The following TRPM3 variants were observed in gnomAD, a reference collection of about 807,000 sequenced individuals.
TRPM3 encodes the protein long transient receptor potential channel 3.
In TRPM3, 77 loss-of-function variants were observed where a neutral mutation model predicts 181.2. That is an observed-to-expected ratio of 0.42 (90% CI 0.35 to 0.51). The LOEUF (loss-of-function observed/expected upper bound fraction) is 0.51. Ranked by LOEUF, TRPM3 falls within the 20% of genes least tolerant of loss-of-function variation. TRPM3 has a pLI of 0.01. For synonymous variants in TRPM3, 745 were observed against 796.4 expected, an observed-to-expected ratio of 0.94 and a Z score of 1.09; for missense variants, 1,759 against 2,196.7, an observed-to-expected ratio of 0.80 and a Z score of 3.98.
Position 70,761,688 on chromosome 9 carries a change from C to T in TRPM3, c.1185G>A (p.Val395=). The change falls in exon 8 of 26, where the codon GTG becomes GTA. Residue 395 remains valine, a synonymous_variant. Transcript: ENST00000677713. The part of the protein sequence containing the change: ...INESLRDQLL[V]TIQKTFTYTR... ...TGTATGTGAAAGTCTTCTGTATAGT[C>T]ACCAACAGCTGGTCCCTCAAAGATT... The T allele has an allele frequency of 1.1e-5, 17 of 1,613,378 alleles. No homozygotes were observed. Among genetic ancestry groups the T allele is most frequent in the Non-Finnish European group, 1.4e-5 (17 of 1,179,532 alleles).
chr9:70,782,436 T>C (rs1388963624), intron 7 of TRPM3, among the ~76,000 whole-genome samples: 2 of 152,190 alleles, frequency 1.3e-5, no homozygotes, highest in East Asian at 3.9e-4. Flanking sequence ...GGTCTTGAAC[T>C]CCTGAACTCA....
chr9:71,050,445 TCC>T (rs1459833856), intron 1 of TRPM3, among the ~76,000 whole-genome samples: 1 of 152,160 alleles, frequency 6.6e-6, no homozygotes, highest in East Asian at 1.9e-4. Context: ...AGTTTTAAAG[TCC>T]CTGCCATGTC....
intron 1 of TRPM3, among the ~76,000 whole-genome samples, chr9:71,256,211 T>C (rs2082662203): frequency 6.6e-6 from 1 of 152,182 alleles, no homozygotes; most frequent in South Asian, 2.1e-4. Flanking sequence ...TCAGATGCAG[T>C]TTCTGGGGAT....
At chr9:70,609,097 C>T (rs2061641269) in intron 19 of TRPM3, among the ~76,000 whole-genome samples, 1 of 152,136 alleles carries the variant, frequency 6.6e-6, no homozygotes, top group Non-Finnish European at 1.5e-5. Flanking sequence ...TGTTTTAACA[C>T]ATTTAATCTT....
At chr9:70,591,302 T>A in intron 21 of TRPM3, 97 bp from the exon 22 acceptor site, 2 of 1,033,260 alleles carry the variant, frequency 1.9e-6, no homozygotes, top group Admixed American at 3.9e-5. Context: ...TTGGAGGAGG[T>A]CCACTTTCTA....
intron 21 of TRPM3, among the ~76,000 whole-genome samples, chr9:70,594,442 T>C (rs1318126283): frequency 6.6e-6 from 1 of 152,206 alleles, no homozygotes; most frequent in Non-Finnish European, 1.5e-5. Context: ...GGTATGATGA[T>C]GACATGTCTG....
chr9:70,737,497 C>T (rs1344060373), intron 8 of TRPM3, among the ~76,000 whole-genome samples: 1 of 59,206 alleles, frequency 1.7e-5, no homozygotes, highest in African/African-American at 6.9e-5. Context: ...AGGCAACAAA[C>T]AGCATGATGA....
chr9:71,187,712 CCT>C (rs1471684349), intron 1 of TRPM3, among the ~76,000 whole-genome samples: 1 of 151,908 alleles, frequency 6.6e-6, no homozygotes, highest in Admixed American at 6.6e-5. Context: ...CTAAAAGCCT[CCT>C]CTGTTTCCCC....
intron 1 of TRPM3, among the ~76,000 whole-genome samples, chr9:71,348,929 T>G (rs191149526): frequency 1.3e-5 from 2 of 152,228 alleles, no homozygotes; most frequent in Non-Finnish European, 2.9e-5. Context: ...GAATGGCCAC[T>G]GATCTGTTTT....
At chr9:71,112,676 T>C (rs1430800400) in intron 1 of TRPM3, among the ~76,000 whole-genome samples, 2 of 152,148 alleles carry the variant, frequency 1.3e-5, no homozygotes, top group Non-Finnish European at 2.9e-5. Context: ...ACACACCAAA[T>C]TGAACAAGAT....
At chr9:71,331,535 G>A (rs557982990) in intron 1 of TRPM3, among the ~76,000 whole-genome samples, 3 of 151,396 alleles carry the variant, frequency 2.0e-5, no homozygotes, top group African/African-American at 7.3e-5. Flanking sequence ...TTATAATCTT[G>A]CAAGAAGAAC....
intron 1 of TRPM3, among the ~76,000 whole-genome samples, chr9:71,259,650 G>C (rs901792126): frequency 6.6e-6 from 1 of 152,112 alleles, no homozygotes; most frequent in African/African-American, 2.4e-5. Context: ...TAGTGATGAT[G>C]AGCCTTTTTT....
chr9:71,054,607 A>G (rs2060451235), intron 1 of TRPM3, among the ~76,000 whole-genome samples: 1 of 152,118 alleles, frequency 6.6e-6, no homozygotes, highest in African/African-American at 2.4e-5. Flanking sequence ...TCAAACATTT[A>G]TTGAATATTG....
At chr9:70,884,575 C>T (rs1344845884) in intron 1 of TRPM3, among the ~76,000 whole-genome samples, 3 of 152,324 alleles carry the variant, frequency 2.0e-5, no homozygotes, top group Non-Finnish European at 4.4e-5. Flanking sequence ...ATGGAAATAA[C>T]TCCGAACAGT....
At chr9:71,159,437 A>G (rs900428919) in intron 1 of TRPM3, among the ~76,000 whole-genome samples, 1 of 152,054 alleles carries the variant, frequency 6.6e-6, no homozygotes, top group Admixed American at 6.6e-5. Flanking sequence ...AGAAGAGGAA[A>G]CTCATATGTC....
Position 71,399,150 on chromosome 9 carries a change from T to C in TRPM3, c.183+47503A>G, listed in dbSNP as rs2093273966. 2.0e-5 allele frequency among the ~76,000 whole-genome samples: 3 copies of C among 152,114 alleles called. No individual in the cohort carries two copies. The South Asian group carries it at 6.2e-4, about 31-fold the overall frequency. ...ATTTATATAAAAAATGACAACCTAA[T>C]GGTACAAAATAGGAGACTAAGATAG... On this transcript the variant is annotated intron_variant, in intron 1 of 24. Coordinates refer to the TRPM3 transcript ENST00000357533.
At chr9:70,889,787 A>AGCCT (rs2132824546) in intron 1 of TRPM3, among the ~76,000 whole-genome samples, 1 of 152,126 alleles carries the variant, frequency 6.6e-6, no homozygotes, top group South Asian at 2.1e-4. Flanking sequence ...AATTAAGGAA[A>AGCCT]GCCTCTACCA....
At chr9:70,637,627 A>C (rs2027364) in intron 11 of TRPM3, among the ~76,000 whole-genome samples, 116,897 of 152,006 alleles carry the variant, frequency 0.77, 46,545 homozygotes, top group East Asian at 0.92. Context: ...AGACTAGGAG[A>C]CATTCTGCTA....
intron 22 of TRPM3, among the ~76,000 whole-genome samples, chr9:70,587,693 C>G (rs1480198450): frequency 6.6e-6 from 1 of 152,210 alleles, no homozygotes; most frequent in African/African-American, 2.4e-5. Flanking sequence ...ACTGATGAGA[C>G]TACCCAAAAG....
Sources: allele counts gnomAD v4.1 joint callset (sites outside exome capture counted in the v4.1 genomes callset), GRCh38; gene constraint gnomAD v4.1.1; transcripts MANE v1.5; gene names NCBI Gene and HGNC (gene_info 2026-07-23, HGNC 2026-07-21).